QSOX1: variants seen among roughly 807,000 people sequenced by gnomAD.
QSOX1 encodes the protein quiescin sulfhydryl oxidase 1.
Under a neutral mutation model 76.1 loss-of-function variants are expected in QSOX1, and 40 were observed. The ratio of observed to expected loss-of-function variants is 0.53; its 90% CI spans 0.41 to 0.68. QSOX1 has a LOEUF of 0.68. Ranked by LOEUF, QSOX1 falls within the 30% of genes least tolerant of loss-of-function variation. The pLI is 0.00. For missense variants in QSOX1, 931 were observed against 974.3 expected, an observed-to-expected ratio of 0.96 and a Z score of 0.59; for synonymous variants, 392 against 413.1, an observed-to-expected ratio of 0.95 and a Z score of 0.62.
Position 180,190,668 on chromosome 1 carries a change from G to A in QSOX1, c.1288+88G>A, listed in dbSNP as rs1572053881. ...GGAGAGGGGGCAGGGAAGCTCCCTT[G>A]AATTGCCCCACTGGCTCCCAGCTGC... On this transcript the variant is annotated intron_variant, in intron 10 of 11. Coordinates refer to ENST00000367602, the MANE Select transcript of QSOX1 (RefSeq NM_002826.5). The A allele has an allele frequency of 2.8e-6, 4 of 1,440,006 alleles. No homozygotes were observed. The East Asian group carries it at 9.2e-5, about 33-fold the overall frequency. The allele number at this position is 1,440,006 out of a possible 1,614,324, so 89.2% of individuals were successfully genotyped here. A position where few individuals can be genotyped will look rare whatever the true frequency, so the allele number is the denominator to read the frequency against.
intron 2 of QSOX1, among the ~76,000 whole-genome samples, chr1:180,172,421 G>C (rs574888948): frequency 1.3e-5 from 2 of 152,094 alleles, no homozygotes; most frequent in Non-Finnish European, 2.9e-5. Flanking sequence ...AGAGGCTCTT[G>C]GGGTCCCTGC....
At position 180,197,783 on chromosome 1, in the gene QSOX1, C is replaced by G. The variant is rs1402841560; in HGVS notation, c.*746C>G. 3.9e-6 allele frequency: 1 copy of G among 258,158 alleles called. No homozygotes were observed. Among genetic ancestry groups the G allele is most frequent in the African/African-American group, 2.2e-5 (1 of 44,824 alleles). 16.0% of individuals were successfully genotyped at this position (258,158 alleles called of 1,614,324 possible). On this transcript the variant is annotated 3_prime_UTR_variant, in exon 12 of 12. Coordinates refer to ENST00000367602, the MANE Select transcript of QSOX1 (RefSeq NM_002826.5). ...CAGGAGAAGATGGCTGCTTTCACTTCCCCCCATTGAGCTCTGCTCCCTCTG... is the reference window on the plus strand; with the variant it reads ...CAGGAGAAGATGGCTGCTTTCACTTGCCCCCATTGAGCTCTGCTCCCTCTG...
rs761728561 is a variant in QSOX1, at chr1:180,176,004, C to A, written c.486C>A (p.Pro162=). ...TGGAGTCCCATCATGACACGTGGCCCCCAGCCTGTCCCCCACTGGAGCCTG... is the reference window on the plus strand; with the variant it reads ...TGGAGTCCCATCATGACACGTGGCCACCAGCCTGTCCCCCACTGGAGCCTG... ...DALESHHDTW[P]PACPPLEPAK... is the part of the protein sequence containing the mutation. The change falls in exon 4 of 12, where the codon CCC becomes CCA. Residue 162 remains proline, a synonymous_variant. Transcript: ENST00000367602. The A allele has an allele frequency of 6.3e-7, 1 of 1,599,840 alleles. No individual in the cohort carries two copies. Among genetic ancestry groups the A allele is most frequent in the Admixed American group, 1.7e-5 (1 of 57,596 alleles).
Position 180,200,225 on chromosome 1 carries a change from T to G in QSOX1, c.*3188T>G, listed in dbSNP as rs901157705. On this transcript the variant is annotated 3_prime_UTR_variant, in exon 12 of 12. Transcript: ENST00000367602. ...TCCCCATGTGTCATTGGAGATAAACTACCCACCTACCAGATTGTTGTACCA... is the reference window on the plus strand; with the variant it reads ...TCCCCATGTGTCATTGGAGATAAACGACCCACCTACCAGATTGTTGTACCA... 1 of 152,214 alleles carries G rather than the reference T, an allele frequency of 6.6e-6. No individual in the cohort carries two copies. Among genetic ancestry groups the G allele is most frequent in the African/African-American group, 2.4e-5 (1 of 41,432 alleles). The allele number at this position is 152,214 out of a possible 1,614,324, so 9.4% of individuals were successfully genotyped here. A position where few individuals can be genotyped will look rare whatever the true frequency, so the allele number is the denominator to read the frequency against.
rs1321430518 is a variant in QSOX1, at chr1:180,173,294, A to T, written c.367-2027A>T. Among the ~76,000 whole-genome samples, 5 of 152,086 alleles carry T rather than the reference A, an allele frequency of 3.3e-5. No homozygotes were observed. The East Asian group carries it at 9.6e-4, about 29-fold the overall frequency. On this transcript the variant is annotated intron_variant, in intron 2 of 11. Coordinates refer to ENST00000367602, the MANE Select transcript of QSOX1 (RefSeq NM_002826.5). ...TTATTTGTCGGCAAACCAAACCCCAAATAGATGTATCTTCAATTTTGTTCA... is the reference window on the plus strand; with the variant it reads ...TTATTTGTCGGCAAACCAAACCCCATATAGATGTATCTTCAATTTTGTTCA...
In QSOX1 at chr1:180,198,683, TC is replaced by T; in HGVS notation, c.*1649del. 1 of 326,266 alleles carries T rather than the reference TC, an allele frequency of 3.1e-6. No individual in the cohort carries two copies. The highest frequency in any genetic ancestry group is 2.4e-5 in the South Asian group (1 of 41,018). 20.2% of individuals were successfully genotyped at this position (326,266 alleles called of 1,614,324 possible). The stretch of plus-strand genomic sequence containing the variant: ...GCCTTGCTGGGCTCCTGGGTTGGAC[TC>T]CCTCTCTGTGCCCCTGCTCCAGGCA... On this transcript the variant is annotated 3_prime_UTR_variant, in exon 12 of 12. Coordinates refer to ENST00000367602, the MANE Select transcript of QSOX1 (RefSeq NM_002826.5).
rs1482560325 is a variant in QSOX1, at chr1:180,176,007, A to T, written c.489A>T (p.Pro163=). The change falls in exon 4 of 12, where the codon CCA becomes CCT. Residue 163 remains proline, a synonymous_variant. Transcript: ENST00000367602. ...AGTCCCATCATGACACGTGGCCCCC[A>T]GCCTGTCCCCCACTGGAGCCTGCCA... The part of the protein sequence containing the change: ...ALESHHDTWP[P]ACPPLEPAKL... The T allele has an allele frequency of 1.9e-6, 3 of 1,599,974 alleles. No individual in the cohort carries two copies. The highest frequency in any genetic ancestry group is 1.3e-5 in the African/African-American group (1 of 74,830).
intron 1 of QSOX1, among the ~76,000 whole-genome samples, chr1:180,162,105 A>G (rs749093414): frequency 9.2e-5 from 14 of 152,256 alleles, no homozygotes; most frequent in Non-Finnish European, 1.8e-4. Flanking sequence ...ATTGCTGTGC[A>G]TACAACATTT....
Position 180,196,489 on chromosome 1 carries a change from A to G in QSOX1, c.1696A>G (p.Met566Val). The G allele has an allele frequency of 6.2e-7, 1 of 1,613,996 alleles. No homozygotes were observed. Reference protein sequence around the residue: ...QNVAAAPELAMGALELESRNS... With the variant: ...QNVAAAPELAVGALELESRNS... ...TGTGGCAGCCGCCCCAGAGCTGGCG[A>G]TGGGAGCCCTGGAGCTGGAAAGCCG... Residue 566 changes from methionine (M) to valine (V), a missense_variant, in exon 12 of 12, where the codon ATG (methionine) becomes GTG (valine). Coordinates refer to ENST00000367602, the MANE Select transcript of QSOX1 (RefSeq NM_002826.5). The surrounding 1 kb of genome is among the most constrained non-coding windows in gnomAD (Gnocchi z 4.1).
intron 2 of QSOX1, 117 bp downstream of exon 2, chr1:180,166,708 T>A (rs1662639669): frequency 9.9e-7 from 1 of 1,012,808 alleles, no homozygotes. Flanking sequence ...TGATTTGAGC[T>A]GGGAGGTGAT....
chr1:180,194,454 T>C, intron 11 of QSOX1, 62 bp downstream of exon 11: 1 of 1,485,160 alleles, frequency 6.7e-7, no homozygotes, highest in Non-Finnish European at 9.0e-7. Flanking sequence ...TGAGGATACT[T>C]GGGAGTCTTA....
intron 7 of QSOX1, 133 bp from the exon 8 acceptor site, chr1:180,185,919 AG>A (rs1453524717): frequency 5.6e-6 from 6 of 1,081,006 alleles, no homozygotes; most frequent in Non-Finnish European, 8.4e-6. Flanking sequence ...GGCAGAAGCC[AG>A]TGGTAACTTA....
Position 180,196,689 on chromosome 1 carries a change from G to A in QSOX1, c.1896G>A (p.Glu632=). ...ACATGGCAGAGCTTCAGAGGAATGA[G>A]CAGGAGCAGCCGCTTGGGCAGTGGC... The part of the protein sequence containing the change: ...PEHMAELQRN[E]QEQPLGQWHL... Residue 632 remains glutamate (E), a synonymous_variant, in exon 12 of 12, where the codon GAG becomes GAA. Transcript: ENST00000367602. The surrounding 1 kb of genome is among the most constrained non-coding windows in gnomAD (Gnocchi z 4.1). 2 of 1,614,098 alleles carry A rather than the reference G, an allele frequency of 1.2e-6. No individual in the cohort carries two copies. Among genetic ancestry groups the A allele is most frequent in the Middle Eastern group, 1.6e-4 (1 of 6,062 alleles).
intron 9 of QSOX1, 124 bp downstream of exon 9, chr1:180,189,798 GTCCTAACAATAA>G (rs983804720): frequency 7.3e-6 from 8 of 1,097,924 alleles, no homozygotes; most frequent in Non-Finnish European, 9.0e-6. Flanking sequence ...TCTTCGTTGG[GTCCTAACAATAA>G]TCAATAAATG....
In QSOX1 at chr1:180,202,431, C is replaced by T. The variant is rs953997663; in HGVS notation, c.*5394C>T. On this transcript the variant is annotated 3_prime_UTR_variant, in exon 12 of 12. Transcript: ENST00000367602. ...TGTCTACCTGCGAACCTCTGCCCAC[C>T]ACGGAAGAGCAGCTCACATTTGGAA... 5 of 152,194 alleles carry T rather than the reference C, an allele frequency of 3.3e-5. No homozygotes were observed. The highest frequency in any genetic ancestry group is 1.3e-4 in the Admixed American group (2 of 15,274). The allele number at this position is 152,194 out of a possible 1,614,324, so 9.4% of individuals were successfully genotyped here. A position where few individuals can be genotyped will look rare whatever the true frequency, so the allele number is the denominator to read the frequency against.
In QSOX1 at chr1:180,200,213, T is replaced by C. The variant is rs560199085; in HGVS notation, c.*3176T>C. 11 of 152,314 alleles carry C rather than the reference T, an allele frequency of 7.2e-5. No individual in the cohort carries two copies. The highest frequency in any genetic ancestry group is 2.1e-4 in the South Asian group (1 of 4,828). The allele number at this position is 152,314 out of a possible 1,614,324, so 9.4% of individuals were successfully genotyped here. On this transcript the variant is annotated 3_prime_UTR_variant, in exon 12 of 12. Coordinates refer to ENST00000367602, the MANE Select transcript of QSOX1 (RefSeq NM_002826.5). ...CTTATCCCCTTGTCCCCATGTGTCA[T>C]TGGAGATAAACTACCCACCTACCAG...
intron 2 of QSOX1, among the ~76,000 whole-genome samples, chr1:180,172,501 C>CT (rs1662785856): frequency 6.6e-6 from 1 of 152,060 alleles, no homozygotes; most frequent in African/African-American, 2.4e-5. Context: ...CTGCAGGGAT[C>CT]TTGAGGGGTT....
intron 2 of QSOX1, among the ~76,000 whole-genome samples, chr1:180,171,000 G>T (rs763934249): frequency 6.6e-6 from 1 of 152,222 alleles, no homozygotes; most frequent in Non-Finnish European, 1.5e-5. Flanking sequence ...TGGGTTTGGA[G>T]CCTGGAAGGC....
chr1:180,190,613 T>A, intron 10 of QSOX1, 33 bp downstream of exon 10: 1 of 1,598,104 alleles, frequency 6.3e-7, no homozygotes, highest in Non-Finnish European at 8.6e-7. Flanking sequence ...CCACTGTGCC[T>A]CCAACCCTGC....
Sources: allele counts gnomAD v4.1 joint callset (sites outside exome capture counted in the v4.1 genomes callset), GRCh38; gene constraint gnomAD v4.1.1; non-coding constraint Gnocchi (gnomAD v3.1); transcripts MANE v1.5; gene names NCBI Gene and HGNC (gene_info 2026-07-23, HGNC 2026-07-21).